Variants in C9orf78 observed in about 807,000 individuals in gnomAD.
C9orf78 encodes chromosome 9 open reading frame 78.
Under a neutral mutation model 37.4 loss-of-function variants are expected in C9orf78, and 19 were observed. That is an observed-to-expected ratio of 0.51 (90% confidence interval 0.35 to 0.74). The LOEUF (loss-of-function observed/expected upper bound fraction) is 0.74, where lower values mean the gene tolerates loss of function less well. C9orf78 is among the 30% of genes least tolerant of loss of function. The probability of loss-of-function intolerance (pLI) is 0.01; values close to 1 mark genes in which losing one functional copy is unlikely to be tolerated. For missense variants in C9orf78, 291 were observed against 370.8 expected (o/e 0.78, Z 1.77); for synonymous variants, 130 against 128.0 (o/e 1.02, Z -0.10).
intron 8 of C9orf78, 67 bp downstream of exon 8, chr9:129,829,138 T>A: frequency 8.9e-7 from 1 of 1,121,998 alleles, no homozygotes. Context: ...CCCCGCTGCA[T>A]CCTGCCTCCA....
At chr9:129,831,791 G>A (rs1429968930) in intron 5 of C9orf78, 105 bp downstream of exon 5, 1 of 751,646 alleles carries the variant, frequency 1.3e-6, no homozygotes, top group African/African-American at 1.7e-5. Context: ...GGCCAACTTT[G>A]ACATCTTCTA....
Position 129,835,246 on chromosome 9 carries a change from C to A in C9orf78, c.-25G>T, listed in dbSNP as rs765061525. 6.4e-7 allele frequency: 1 copy of A among 1,568,262 alleles called. No homozygotes were observed. Among genetic ancestry groups the A allele is most frequent in the Admixed American group, 1.7e-5 (1 of 58,796 alleles). The stretch of plus-strand genomic sequence containing the variant: ...TGGTGACAACGGCCGAGTTGTACAG[C>A]CGCCGCGCCTCTGCGCAGCGGCCCA... On this transcript the variant is annotated 5_prime_UTR_variant, in exon 1 of 9. Transcript: ENST00000372447.
chr9:129,831,743 G>T, intron 5 of C9orf78, 153 bp downstream of exon 5: 1 of 650,862 alleles, frequency 1.5e-6, no homozygotes, highest in East Asian at 2.7e-5. Flanking sequence ...CTTTTAAGAG[G>T]TTTTCAAAGT....
chr9:129,835,073 C>T (rs2031679439), intron 1 of C9orf78, 66 bp downstream of exon 1: 3 of 1,231,146 alleles, frequency 2.4e-6, no homozygotes, highest in African/African-American at 1.5e-5. Flanking sequence ...AAGCGCCGAG[C>T]CGGTGGTGAG....
intron 6 of C9orf78, chr9:129,830,136 G>A (rs2031453322): frequency 6.6e-6 from 1 of 152,656 alleles, no homozygotes; most frequent in Non-Finnish European, 1.5e-5. Flanking sequence ...TAAGGACACA[G>A]ATAAGAACAT....
chr9:129,828,479 AATGGC>A, intron 8 of C9orf78: 1 of 367,014 alleles, frequency 2.7e-6, no homozygotes, highest in Non-Finnish European at 5.2e-6. Flanking sequence ...GCTAGAGTGT[AATGGC>A]ATGATCTCAG....
At chr9:129,834,955 A>G in intron 1 of C9orf78, 184 bp downstream of exon 1, 1 of 668,720 alleles carries the variant, frequency 1.5e-6, no homozygotes, top group Non-Finnish European at 2.6e-6. Context: ...TCCCGGAGGC[A>G]TCTCTCTCAA....
chr9:129,832,294 T>C (rs2031520465), intron 4 of C9orf78, among the ~76,000 whole-genome samples: 1 of 152,202 alleles, frequency 6.6e-6, no homozygotes, highest in Non-Finnish European at 1.5e-5. Context: ...GTATAATATC[T>C]GCATCTAACC....
At chr9:129,828,494 G>A (rs1209383325) in intron 8 of C9orf78, 2 of 313,120 alleles carry the variant, frequency 6.4e-6, no homozygotes, top group African/African-American at 4.4e-5. Flanking sequence ...CATGATCTCA[G>A]CTCACTGCAA....
intron 1 of C9orf78, 168 bp downstream of exon 1, chr9:129,834,971 C>G: frequency 4.4e-6 from 3 of 683,764 alleles, no homozygotes; most frequent in Non-Finnish European, 7.5e-6. Flanking sequence ...CTCAACCGTT[C>G]GAGCTTGGGG....
At chr9:129,833,753 G>C in intron 2 of C9orf78, 44 bp from the exon 3 acceptor site, 1 of 1,437,304 alleles carries the variant, frequency 7.0e-7, no homozygotes, top group South Asian at 1.2e-5. Flanking sequence ...AGAGAGAAAT[G>C]GCATAATTCA....
At chr9:129,829,618 G>A in intron 6 of C9orf78, 77 bp from the exon 7 acceptor site, 1 of 1,312,738 alleles carries the variant, frequency 7.6e-7, no homozygotes, top group Non-Finnish European at 1.1e-6. Flanking sequence ...GAGGCTGGCA[G>A]CCCAGCAGTA....
In C9orf78 at chr9:129,831,957, C is replaced by G; in HGVS notation, c.283G>C (p.Asp95His). ...GAAAACGATGTCCCCAGGTGCAGGT[C>G]CTCCTCCTCACTGATCCTGGAGGGA... ...RGKDKISEEE[D>H]LHLGTSFSAE... Residue 95 changes from aspartate (D) to histidine (H), a missense_variant, in exon 5 of 9, where the codon GAC becomes CAC. This residue lies in a region of C9orf78 where 158 missense variants were observed against 174.8 expected (regional missense o/e 0.90). Transcript: ENST00000372447. 1 of 1,556,268 alleles carries G rather than the reference C, an allele frequency of 6.4e-7. No homozygotes were observed. Among genetic ancestry groups the G allele is most frequent in the Non-Finnish European group, 8.9e-7 (1 of 1,127,472 alleles).
intron 6 of C9orf78, chr9:129,830,046 C>T (rs1368291688): frequency 1.3e-5 from 2 of 153,194 alleles, no homozygotes; most frequent in Non-Finnish European, 2.9e-5. Context: ...GTCAGGGGCC[C>T]TTACTACTCT....
At chr9:129,833,361 C>T (rs749814499) in intron 4 of C9orf78, 86 bp downstream of exon 4, 47 of 756,686 alleles carry the variant, frequency 6.2e-5, no homozygotes, top group Middle Eastern at 4.7e-4. Flanking sequence ...ACTAATGCTG[C>T]TGCTACAGGC....
Position 129,829,368 on chromosome 9 carries a change from G to C in C9orf78, c.679+37C>G, listed in dbSNP as rs199922761. ...GTTCCTAGGGATCTCAGCCCAAATAGGGGAATGGGGGCAAGACTGCTCTCC... is the reference window on the plus strand; with the variant it reads ...GTTCCTAGGGATCTCAGCCCAAATACGGGAATGGGGGCAAGACTGCTCTCC... On this transcript the variant is annotated intron_variant, in intron 7 of 8. Transcript: ENST00000372447. 9 of 1,605,874 alleles carry C rather than the reference G, an allele frequency of 5.6e-6. No homozygotes were observed. In the Admixed American group the frequency reaches 1.3e-4, roughly 24 times the overall value.
Position 129,831,046 on chromosome 9 carries a change from GCT to G in C9orf78, c.365_366del (p.Glu122AlafsTer11), listed in dbSNP as rs757328522. ...DADMMKYIET[E>X]LKKRKGIVEH... ...TCCACGATCCCTTTCCTCTTCTTTAGCTCTGTCTCAATGTACTTCATCCTGAA... is the reference window on the plus strand; with the variant it reads ...TCCACGATCCCTTTCCTCTTCTTTAGCTGTCTCAATGTACTTCATCCTGAA... On this transcript the variant is annotated frameshift_variant, in exon 6 of 9. Coordinates refer to ENST00000372447, the MANE Select transcript of C9orf78 (RefSeq NM_016520.3). LOFTEE classifies it high-confidence loss of function. The G allele has an allele frequency of 1.7e-5, 27 of 1,612,956 alleles. No individual in the cohort carries two copies. Among genetic ancestry groups the G allele is most frequent in the Non-Finnish European group, 2.2e-5 (26 of 1,179,284 alleles).
At position 129,835,273 on chromosome 9, in the gene C9orf78, G is replaced by C. The variant is rs770309165; in HGVS notation, c.-52C>G. The C allele has an allele frequency of 2.2e-6, 3 of 1,341,536 alleles. No homozygotes were observed. Among genetic ancestry groups the C allele is most frequent in the Non-Finnish European group, 3.1e-6 (3 of 961,960 alleles). The allele number at this position is 1,341,536 out of a possible 1,614,324, so 83.1% of individuals were successfully genotyped here. The stretch of plus-strand genomic sequence containing the variant: ...GCCGCGCCTCTGCGCAGCGGCCCAG[G>C]CTGCTTCCGGCGCGCGGCAGAGCGG... On this transcript the variant is annotated 5_prime_UTR_variant, in exon 1 of 9. Coordinates refer to ENST00000372447, the MANE Select transcript of C9orf78 (RefSeq NM_016520.3).
Position 129,828,219 on chromosome 9 carries a change from T to C in C9orf78, c.812A>G (p.Glu271Gly). 6.2e-7 allele frequency: 1 copy of C among 1,608,116 alleles called. No individual in the cohort carries two copies. Among genetic ancestry groups the C allele is most frequent in the Non-Finnish European group, 8.5e-7 (1 of 1,175,400 alleles). The change falls in exon 9 of 9, where the codon GAG (glutamate) becomes GGG (glycine). Residue 271 changes from glutamate to glycine, a missense_variant. Transcript: ENST00000372447. Reference protein sequence around the residue: ...SPPNRKRPANEKATDDYHYEK... With the variant: ...SPPNRKRPANGKATDDYHYEK... Reference sequence around the variant, plus strand: ...ATAATGATAGTCATCAGTTGCCTTCTCGTTAGCAGGACGCTTGCGGTTAGG... The same window carrying C: ...ATAATGATAGTCATCAGTTGCCTTCCCGTTAGCAGGACGCTTGCGGTTAGG...
Sources: allele counts gnomAD v4.1 joint callset (sites outside exome capture counted in the v4.1 genomes callset), GRCh38; gene constraint gnomAD v4.1.1; regional missense constraint gnomAD v4.1.1; transcripts MANE v1.5; gene names NCBI Gene and HGNC (gene_info 2026-07-23, HGNC 2026-07-21).